The following MDM1 variants were observed in gnomAD, a reference collection of about 807,000 sequenced individuals.
MDM1 encodes the protein Mdm1 nuclear protein.
Under a neutral mutation model 89.1 loss-of-function variants are expected in MDM1, and 61 were observed. The observed-to-expected ratio is 0.68, with a 90% CI of 0.56 to 0.85. The LOEUF (loss-of-function observed/expected upper bound fraction) is 0.85, where lower values mean the gene tolerates loss of function less well. Among genes scored for constraint, MDM1 ranks in the 40% least tolerant of loss-of-function variants. MDM1 has a pLI of 0.00. For missense variants in MDM1, 820 were observed against 846.5 expected, an observed-to-expected ratio of 0.97 and a Z score of 0.39; for synonymous variants, 290 against 294.1, an observed-to-expected ratio of 0.99 and a Z score of 0.14.
At chr12:68,300,218 T>C (rs1422859159) in intron 13 of MDM1, among the ~76,000 whole-genome samples, 1 of 152,098 alleles carries the variant, frequency 6.6e-6, no homozygotes, top group Non-Finnish European at 1.5e-5. Context: ...AAGCTTGATA[T>C]GCAACAAAAC....
chr12:68,331,744 C>T (rs1044535113), intron 1 of MDM1, among the ~76,000 whole-genome samples: 5 of 152,182 alleles, frequency 3.3e-5, no homozygotes, highest in African/African-American at 1.2e-4. Context: ...CTACCAGCTA[C>T]CTGGAACTTT....
At position 68,315,212 on chromosome 12, in the gene MDM1, T is replaced by C. The variant is rs754554094; in HGVS notation, c.1265A>G (p.Glu422Gly). 1.2e-6 allele frequency: 2 copies of C among 1,614,238 alleles called. No individual in the cohort carries two copies. Among genetic ancestry groups the C allele is most frequent in the South Asian group, 1.1e-5 (1 of 91,084 alleles). The change falls in exon 10 of 15, where the codon GAA becomes GGA. Residue 422 changes from glutamate (E) to glycine (G), a missense_variant. Coordinates refer to ENST00000682720, the MANE Select transcript of MDM1 (RefSeq NM_001354969.2). ...LQKCPSTEPE[E>G]KGNIVEEQPQ... ...CTGTTCTTCCACGATATTTCCTTTT[T>C]CTTCTGGTTCTGTAGAAGGACATTT...
chr12:68,331,854 C>T, intron 1 of MDM1: 1 of 475,972 alleles, frequency 2.1e-6, no homozygotes, highest in Admixed American at 3.0e-5. Flanking sequence ...GCCACATACA[C>T]TAAAGTTTTA....
intron 13 of MDM1, among the ~76,000 whole-genome samples, chr12:68,300,793 A>G (rs1233676341): frequency 6.6e-6 from 1 of 152,182 alleles, no homozygotes; most frequent in Non-Finnish European, 1.5e-5. Context: ...GGACTTAAAC[A>G]ATACTCTAGA....
chr12:68,325,603 G>A (rs1244646583), intron 3 of MDM1, 28 bp from the exon 4 acceptor site: 2 of 1,477,986 alleles, frequency 1.4e-6, no homozygotes, highest in Non-Finnish European at 1.8e-6. Flanking sequence ...TCCACTCAAA[G>A]ACATTAAAAA....
In MDM1 at chr12:68,302,881, CA is replaced by C. The variant is rs35426557; in HGVS notation, c.1750-10del. ...ACAGCACGACTTTCTTTCTAAATGACAAAAAAAAAAAAAAAAAAAAGATGCC... is the reference window on the plus strand; with the variant it reads ...ACAGCACGACTTTCTTTCTAAATGACAAAAAAAAAAAAAAAAAAAGATGCC... On this transcript the variant is annotated splice_polypyrimidine_tract_variant and intron_variant, in intron 12 of 14. Transcript: ENST00000682720. 279,578 of 1,084,910 alleles carry C rather than the reference CA, an allele frequency of 0.26. 4,216 individuals carry two copies. The highest frequency in any genetic ancestry group is 0.39 in the African/African-American group (19,356 of 49,544). 67.2% of individuals were successfully genotyped at this position (1,084,910 alleles called of 1,614,324 possible).
At chr12:68,327,538 T>C (rs1565787440) in intron 2 of MDM1, 2 of 1,520,058 alleles carry the variant, frequency 1.3e-6, no homozygotes, top group Non-Finnish European at 8.8e-7. Flanking sequence ...ATAAGCCCTT[T>C]TAACAACAGC....
rs140872428 is a variant in MDM1, at chr12:68,324,995, G to A, written c.633+446C>T. The A allele has an allele frequency of 2.1e-3, 2,077 of 977,254 alleles. 2 individuals are homozygous for A. The highest frequency in any genetic ancestry group is 2.2e-3 in the Non-Finnish European group (1,826 of 822,566). The allele number at this position is 977,254 out of a possible 1,614,324, so 60.5% of individuals were successfully genotyped here. ...TTGTCTGATACAAGGACAAAATTAC[G>A]TATCTTGTGTTACTGTCAACATATT... is the stretch of plus-strand genomic sequence containing the variant. On this transcript the variant is annotated intron_variant, in intron 4 of 14. Transcript: ENST00000682720.
At position 68,321,182 on chromosome 12, in the gene MDM1, G is replaced by A. The variant is rs1011157188; in HGVS notation, c.1005+165C>T. ...AAGAGCCAGTGGCATTAAAAAAAAT[G>A]ATAATTTACATTCTAATACATAAGT... is the stretch of plus-strand genomic sequence containing the variant. On this transcript the variant is annotated intron_variant, in intron 7 of 14. Coordinates refer to ENST00000682720, the MANE Select transcript of MDM1 (RefSeq NM_001354969.2). The A allele has an allele frequency of 9.2e-6, 4 of 433,384 alleles. No individual in the cohort carries two copies. In the Admixed American group the frequency reaches 1.6e-4, roughly 18 times the overall value. The allele number at this position is 433,384 out of a possible 1,614,324, so 26.8% of individuals were successfully genotyped here.
At chr12:68,327,546 A>C in intron 2 of MDM1, 2 of 1,509,876 alleles carry the variant, frequency 1.3e-6, no homozygotes, top group Non-Finnish European at 1.8e-6. Flanking sequence ...TTTTAACAAC[A>C]GCTAAGATAC....
chr12:68,312,321 T>C (rs1379311485), intron 12 of MDM1, among the ~76,000 whole-genome samples: 1 of 152,218 alleles, frequency 6.6e-6, no homozygotes, highest in Non-Finnish European at 1.5e-5. Context: ...GAATTCTTGA[T>C]CTTCTCCAAC....
intron 1 of MDM1, 194 bp downstream of exon 1, chr12:68,332,034 T>G (rs1239385244): frequency 1.5e-5 from 11 of 742,454 alleles, no homozygotes; most frequent in Non-Finnish European, 2.4e-5. Flanking sequence ...AGCTTGCAAA[T>G]GTGAGTGAGC....
intron 5 of MDM1, 113 bp from the exon 6 acceptor site, chr12:68,321,741 G>T: frequency 1.6e-6 from 1 of 608,706 alleles, no homozygotes. Context: ...ATTTTTAGAA[G>T]CTTTAGATAC....
intron 12 of MDM1, among the ~76,000 whole-genome samples, chr12:68,311,970 C>T (rs931810774): frequency 6.6e-6 from 1 of 152,128 alleles, no homozygotes. Flanking sequence ...ATTGACTCTC[C>T]CTCCTCCTTG....
chr12:68,302,636 T>A lies in MDM1; in HGVS notation c.1986A>T (p.Pro662=), dbSNP rs141261059. Residue 662 remains proline, a synonymous_variant, in exon 13 of 15, where the codon CCA becomes CCT. Transcript: ENST00000682720. ...SRRIQGSLRD[P]EFQHNVGKAR... ...AATAATTACCATTGTGCTGAAACTC[T>A]GGATCTCTAAGAGAGCCCTGAATTC... 90 of 1,612,742 alleles carry A rather than the reference T, an allele frequency of 5.6e-5. No individual in the cohort carries two copies. Among genetic ancestry groups the A allele is most frequent in the Middle Eastern group, 4.9e-4 (3 of 6,078 alleles).
chr12:68,311,761 C>T (rs1306500804), intron 12 of MDM1, among the ~76,000 whole-genome samples: 1 of 152,166 alleles, frequency 6.6e-6, no homozygotes, highest in Non-Finnish European at 1.5e-5. Context: ...ACTCTGCTTC[C>T]CTTCTTGGAA....
chr12:68,327,135 T>C, intron 2 of MDM1, 114 bp from the exon 3 acceptor site: 1 of 1,412,886 alleles, frequency 7.1e-7, no homozygotes, highest in Non-Finnish European at 9.2e-7. Flanking sequence ...CAGATATATG[T>C]ACCTATATAT....
At chr12:68,317,264 G>C (rs1592976394) in intron 7 of MDM1, among the ~76,000 whole-genome samples, 1 of 151,980 alleles carries the variant, frequency 6.6e-6, no homozygotes, top group Non-Finnish European at 1.5e-5. Context: ...GCTTCTCCAA[G>C]TACAATTCCA....
At chr12:68,327,760 C>A (rs1347014592) in intron 2 of MDM1, among the ~76,000 whole-genome samples, 2 of 152,100 alleles carry the variant, frequency 1.3e-5, no homozygotes, top group African/African-American at 4.8e-5. Flanking sequence ...AGGTAAAACC[C>A]AGGGCTCCTT....
Sources: gnomAD v4.1 joint callset for allele counts (sites outside exome capture counted in the v4.1 genomes callset) on GRCh38, gnomAD v4.1.1 for gene constraint, MANE v1.5 for transcripts, NCBI Gene and HGNC (gene_info 2026-07-23, HGNC 2026-07-21) for gene names.